The following INPP4A variants were observed in gnomAD, a reference collection of about 807,000 sequenced individuals.
INPP4A encodes the protein inositol polyphosphate-4-phosphatase type I A.
In INPP4A, 33 loss-of-function variants were observed where a neutral mutation model predicts 119.8. That is an observed-to-expected ratio of 0.28 (90% CI 0.21 to 0.37). The LOEUF is 0.37. Ranked by LOEUF, INPP4A falls within the 10% of genes least tolerant of loss-of-function variation. INPP4A has a pLI of 1.00. For synonymous variants in INPP4A, 496 were observed against 500.7 expected, an observed-to-expected ratio of 0.99 and a Z score of 0.12; for missense variants, 956 against 1,289.9, an observed-to-expected ratio of 0.74 and a Z score of 3.97.
At chr2:98,463,506 G>C (rs1382564850) in intron 1 of INPP4A, among the ~76,000 whole-genome samples, 1 of 152,240 alleles carries the variant, frequency 6.6e-6, no homozygotes, top group Non-Finnish European at 1.5e-5. Context: ...TTGGTTGGTG[G>C]TCTTCAGTTT....
chr2:98,510,771 A>G (rs1052581877), intron 1 of INPP4A, among the ~76,000 whole-genome samples: 1 of 152,202 alleles, frequency 6.6e-6, no homozygotes, highest in Non-Finnish European at 1.5e-5. Flanking sequence ...GACTCCCTCC[A>G]TTGGAGTCTG....
intron 7 of INPP4A, 114 bp from the exon 8 acceptor site, chr2:98,537,749 C>T: frequency 1.4e-6 from 1 of 734,528 alleles, no homozygotes; most frequent in South Asian, 1.6e-5. Context: ...GGTCAGTCAG[C>T]TCGGCCCTGC....
chr2:98,513,463 T>A (rs1333869838), intron 1 of INPP4A, among the ~76,000 whole-genome samples: 2 of 152,146 alleles, frequency 1.3e-5, no homozygotes, highest in Non-Finnish European at 2.9e-5. Context: ...ATTCATTCAC[T>A]CACTCACTCA....
chr2:98,556,755 C>G (rs1039480447), intron 16 of INPP4A, among the ~76,000 whole-genome samples: 1 of 152,192 alleles, frequency 6.6e-6, no homozygotes, highest in Non-Finnish European at 1.5e-5. Flanking sequence ...CTTGGCAAAT[C>G]CCCCTTCAGG....
intron 1 of INPP4A, among the ~76,000 whole-genome samples, chr2:98,469,234 C>T (rs1675451837): frequency 6.6e-6 from 1 of 152,204 alleles, no homozygotes; most frequent in African/African-American, 2.4e-5. Flanking sequence ...CACGGTGGCT[C>T]ACGCCTGTAA....
intron 19 of INPP4A, 67 bp downstream of exon 19, chr2:98,564,830 C>T: frequency 1.4e-6 from 2 of 1,480,738 alleles, no homozygotes; most frequent in Non-Finnish European, 1.8e-6. Context: ...TCTTGCTAGG[C>T]ACTTTTCTCA....
rs1696513232 is a variant in INPP4A at position 98,566,695 on chromosome 2, A to T, written c.2420+526A>T. 1.3e-5 allele frequency among the ~76,000 whole-genome samples: 2 copies of T among 152,314 alleles called. No homozygotes were observed. The highest frequency in any genetic ancestry group is 4.8e-5 in the African/African-American group (2 of 41,550). Reference sequence around the variant, plus strand: ...GGCTGAGACTCATGCCTGAACCTAAAGGCAACTGCCCTCCAGGGTCACTTG... The same window carrying T: ...GGCTGAGACTCATGCCTGAACCTAATGGCAACTGCCCTCCAGGGTCACTTG... On this transcript the variant is annotated intron_variant, in intron 21 of 24. Coordinates refer to ENST00000409851, the MANE Select transcript of INPP4A (RefSeq NM_001134225.2). The surrounding 1 kb of genome is among the most constrained non-coding windows in gnomAD (Gnocchi z 4.2).
At chr2:98,582,683 A>G (rs986762778) in intron 24 of INPP4A, among the ~76,000 whole-genome samples, 9 of 152,076 alleles carry the variant, frequency 5.9e-5, no homozygotes, top group Admixed American at 1.3e-4. Context: ...CACCTGCTGC[A>G]TACGCCAGAC....
In INPP4A at chr2:98,539,574, T is replaced by C; in HGVS notation, c.717T>C (p.Asp239=). Residue 239 remains aspartate (D), a synonymous_variant, in exon 10 of 25, where the codon GAT becomes GAC. Coordinates refer to ENST00000409851, the MANE Select transcript of INPP4A (RefSeq NM_001134225.2). The stretch of plus-strand genomic sequence containing the variant: ...GCATGTACCGGTTTCCAACCACTGA[T>C]GGTAACCATTTGCGGATCCTGGAGC... The part of the protein sequence containing the change: ...ICRMYRFPTT[D]GNHLRILEQM... 1.2e-6 allele frequency: 2 copies of C among 1,612,436 alleles called. No individual in the cohort carries two copies. The highest frequency in any genetic ancestry group is 1.7e-6 in the Non-Finnish European group (2 of 1,179,154).
chr2:98,560,107 A>T (rs1314162238), intron 17 of INPP4A, among the ~76,000 whole-genome samples: 5 of 152,176 alleles, frequency 3.3e-5, no homozygotes, highest in African/African-American at 1.2e-4. Flanking sequence ...TAAAATATTT[A>T]CTGTCTAGCT....
intron 24 of INPP4A, among the ~76,000 whole-genome samples, chr2:98,586,903 C>T (rs1334644742): frequency 6.6e-6 from 1 of 152,200 alleles, no homozygotes; most frequent in Non-Finnish European, 1.5e-5. Context: ...AGTGCATGAA[C>T]CCATTGGATT....
chr2:98,522,218 C>T (rs1687343205), intron 4 of INPP4A, among the ~76,000 whole-genome samples: 2 of 146,806 alleles, frequency 1.4e-5, no homozygotes, highest in South Asian at 4.3e-4. Flanking sequence ...AGCCAGGAGG[C>T]GGAGGTTGCA....
intron 19 of INPP4A, among the ~76,000 whole-genome samples, chr2:98,565,416 T>C (rs939209052): frequency 1.3e-5 from 2 of 152,224 alleles, no homozygotes; most frequent in Non-Finnish European, 2.9e-5. Context: ...ATGGCGCGTG[T>C]TTCCACCAGA....
intron 24 of INPP4A, among the ~76,000 whole-genome samples, chr2:98,577,792 T>A (rs942618991): frequency 6.6e-6 from 1 of 152,194 alleles, no homozygotes; most frequent in Non-Finnish European, 1.5e-5. Flanking sequence ...CGATGCCTTG[T>A]TTCAAGCACT....
In INPP4A at chr2:98,543,159, A is replaced by G. The variant is rs550518817; in HGVS notation, c.819-718A>G. ...ATGGTCTCAATCTAGCTCCTCTCTT[A>G]CATAGACACGGAAGGAAGAAGAATC... is the stretch of plus-strand genomic sequence containing the variant. On this transcript the variant is annotated intron_variant, in intron 10 of 24. Coordinates refer to ENST00000409851, the MANE Select transcript of INPP4A (RefSeq NM_001134225.2). Among the ~76,000 whole-genome samples, 5 of 152,266 alleles carry G rather than the reference A, an allele frequency of 3.3e-5. No homozygotes were observed. In the East Asian group the frequency reaches 7.7e-4, roughly 23 times the overall value.
rs7566231 is a variant in INPP4A, at chr2:98,492,216, T to C, written c.-165-26748T>C. 6.7e-3 allele frequency among the ~76,000 whole-genome samples: 1,019 copies of C among 152,302 alleles called. 17 individuals are homozygous for C. The highest frequency in any genetic ancestry group is 0.023 in the African/African-American group (947 of 41,556). ...TTTTACTTCTGATGTTTTGGTCTTA[T>C]GATAGGTTTTTTGGGATGTAACACC... is the stretch of plus-strand genomic sequence containing the variant. On this transcript the variant is annotated intron_variant, in intron 1 of 24. Coordinates refer to ENST00000409851, the MANE Select transcript of INPP4A (RefSeq NM_001134225.2).
intron 1 of INPP4A, among the ~76,000 whole-genome samples, chr2:98,479,758 AAC>A (rs1364397578): frequency 6.6e-6 from 1 of 152,196 alleles, no homozygotes. Flanking sequence ...CCTTGAAGAA[AAC>A]TGTCTCCTTT....
rs561951370 is a variant in INPP4A at position 98,576,083 on chromosome 2, A to G, written c.2632-906A>G. On this transcript the variant is annotated intron_variant, in intron 23 of 24. Coordinates refer to ENST00000409851, the MANE Select transcript of INPP4A (RefSeq NM_001134225.2). ...AAGCTCATATTATTGCCACACTGAA[A>G]AGTATGAATATTTACATAAAATGGG... is the stretch of plus-strand genomic sequence containing the variant. Among the ~76,000 whole-genome samples the G allele has an allele frequency of 1.6e-4, 25 of 152,368 alleles. No homozygotes were observed. The South Asian group carries it at 5.2e-3, about 32-fold the overall frequency.
At position 98,590,608 on chromosome 2, in the gene INPP4A, C is replaced by T. The variant is rs1032017801; in HGVS notation, c.*3000C>T. 3.0e-5 allele frequency: 6 copies of T among 202,408 alleles called. No individual in the cohort carries two copies. Among genetic ancestry groups the T allele is most frequent in the Admixed American group, 1.2e-4 (2 of 16,714 alleles). 12.5% of individuals were successfully genotyped at this position (202,408 alleles called of 1,614,324 possible). A position where few individuals can be genotyped will look rare whatever the true frequency, so the allele number is the denominator to read the frequency against. ...CATCATCTCTGTGGGTAACCCAGTC[C>T]TCGTTGTATGACTTGTCAAAATGCA... On this transcript the variant is annotated 3_prime_UTR_variant, in exon 25 of 25. Transcript: ENST00000409851.
Sources: gnomAD v4.1 joint callset for allele counts (sites outside exome capture counted in the v4.1 genomes callset) on GRCh38, gnomAD v4.1.1 for gene constraint, Gnocchi (gnomAD v3.1) non-coding constraint, MANE v1.5 for transcripts, NCBI Gene and HGNC (gene_info 2026-07-23, HGNC 2026-07-21) for gene names.